Variants in MARCHF1 observed in about 807,000 individuals in gnomAD.
The protein encoded by MARCHF1 is membrane associated ring-CH-type finger 1.
MARCHF1 carries 40 observed loss-of-function variants against 54.2 expected under a neutral mutation model. That is an observed-to-expected ratio of 0.74 (90% CI 0.57 to 0.96). MARCHF1 has a LOEUF of 0.96. Among genes scored for constraint, MARCHF1 ranks in the 40% least tolerant of loss-of-function variants. The pLI is 0.00. For missense variants in MARCHF1, 586 were observed against 656.5 expected, an observed-to-expected ratio of 0.89 and a Z score of 1.17; for synonymous variants, 236 against 236.3, an observed-to-expected ratio of 1.00 and a Z score of 0.01.
At chr4:163,591,460 T>G (rs967412561) in intron 7 of MARCHF1, among the ~76,000 whole-genome samples, 1 of 152,138 alleles carries the variant, frequency 6.6e-6, no homozygotes, top group Non-Finnish European at 1.5e-5. Flanking sequence ...GTTTGTTAAC[T>G]GTTTCATTTA....
At chr4:164,166,259 GATAAAT>G (rs914734136) in intron 1 of MARCHF1, among the ~76,000 whole-genome samples, 2 of 151,916 alleles carry the variant, frequency 1.3e-5, no homozygotes, top group African/African-American at 4.8e-5. Context: ...TGCATGAGAT[GATAAAT>G]ATATAGGCAT....
intron 3 of MARCHF1, among the ~76,000 whole-genome samples, chr4:163,948,249 T>C (rs1462391261): frequency 6.6e-6 from 1 of 152,220 alleles, no homozygotes; most frequent in Non-Finnish European, 1.5e-5. Context: ...AATCAGGTAA[T>C]ATCATTAGCT....
chr4:164,118,437 G>T (rs1234440266), intron 1 of MARCHF1, among the ~76,000 whole-genome samples: 2 of 150,640 alleles, frequency 1.3e-5, no homozygotes, highest in Admixed American at 1.3e-4. Flanking sequence ...GATATTATTT[G>T]TATAAACATA....
chr4:164,342,543 AT>A (rs1036375185), intron 1 of MARCHF1, among the ~76,000 whole-genome samples: 41 of 150,934 alleles, frequency 2.7e-4, no homozygotes, highest in Non-Finnish European at 4.7e-4. Context: ...TAATAAAAAA[AT>A]ATTTAATAGG....
At chr4:163,904,487 G>C (rs961795354) in intron 3 of MARCHF1, among the ~76,000 whole-genome samples, 1 of 152,096 alleles carries the variant, frequency 6.6e-6, no homozygotes, top group African/African-American at 2.4e-5. Flanking sequence ...AACAAACAGT[G>C]GGTACCTCAA....
chr4:163,998,655 C>G (rs1321217300), intron 2 of MARCHF1, among the ~76,000 whole-genome samples: 1 of 151,668 alleles, frequency 6.6e-6, no homozygotes, highest in Non-Finnish European at 1.5e-5. Flanking sequence ...CCCTCCTATC[C>G]TCGGTAACCA....
intron 3 of MARCHF1, among the ~76,000 whole-genome samples, chr4:163,880,813 T>C (rs1020342868): frequency 6.6e-6 from 1 of 152,182 alleles, no homozygotes; most frequent in African/African-American, 2.4e-5. Context: ...TCAATGAAAG[T>C]ATATGGAGCA....
chr4:164,221,941 C>T (rs1417925431), intron 1 of MARCHF1, among the ~76,000 whole-genome samples: 2 of 151,520 alleles, frequency 1.3e-5, no homozygotes, highest in Non-Finnish European at 2.9e-5. Flanking sequence ...TTCTTAAGTT[C>T]AAGAGATAAC....
chr4:163,944,374 T>G lies in MARCHF1; in HGVS notation c.-39+44127A>C, dbSNP rs186305962. Among the ~76,000 whole-genome samples the G allele has an allele frequency of 1.6e-4, 25 of 152,302 alleles. No homozygotes were observed. In the East Asian group the frequency reaches 4.1e-3, roughly 25 times the overall value. ...TAGCTGTTACCTCCTTTAGATTTGA[T>G]TCAGCTGCAGAAAGCTGCTTCACCT... is the stretch of plus-strand genomic sequence containing the variant. On this transcript the variant is annotated intron_variant, in intron 3 of 9. Coordinates refer to ENST00000514618, the MANE Select transcript of MARCHF1 (RefSeq NM_001394959.1).
intron 2 of MARCHF1, among the ~76,000 whole-genome samples, chr4:164,109,277 G>T (rs1294588906): frequency 1.3e-5 from 2 of 151,946 alleles, no homozygotes; most frequent in African/African-American, 2.4e-5. Context: ...GACAGTCCAA[G>T]ATAAGATCTG....
chr4:164,022,772 G>C (rs1476633896), intron 2 of MARCHF1, among the ~76,000 whole-genome samples: 2 of 152,226 alleles, frequency 1.3e-5, no homozygotes, highest in African/African-American at 2.4e-5. Context: ...GTCCAGGAGA[G>C]AGTGAGGCTG....
At chr4:164,232,248 A>C (rs1307628383) in intron 1 of MARCHF1, among the ~76,000 whole-genome samples, 2 of 152,142 alleles carry the variant, frequency 1.3e-5, no homozygotes, top group African/African-American at 4.8e-5. Context: ...TTGAAGGTTA[A>C]TACAGTTATC....
At chr4:163,768,121 G>A (rs1246907669) in intron 4 of MARCHF1, among the ~76,000 whole-genome samples, 9 of 152,118 alleles carry the variant, frequency 5.9e-5, no homozygotes, top group Non-Finnish European at 8.8e-5. Context: ...GAATTTTGAG[G>A]TTTGATTTCT....
At chr4:163,753,593 C>G (rs1174494470) in intron 4 of MARCHF1, among the ~76,000 whole-genome samples, 5 of 152,010 alleles carry the variant, frequency 3.3e-5, no homozygotes, top group Admixed American at 2.6e-4. Context: ...CTGAGCCTTA[C>G]TAGTTCATTA....
chr4:163,715,277 G>T (rs867460694), intron 4 of MARCHF1, among the ~76,000 whole-genome samples: 1 of 152,038 alleles, frequency 6.6e-6, no homozygotes, highest in Admixed American at 6.6e-5. Context: ...ACGGAGTCTC[G>T]CTCTGTCACC....
intron 8 of MARCHF1, 97 bp from the exon 9 acceptor site, chr4:163,545,840 C>T: frequency 1.0e-6 from 1 of 997,280 alleles, no homozygotes; most frequent in Non-Finnish European, 1.5e-6. Context: ...GGAAGAAAAA[C>T]AGTAAATATC....
At chr4:164,366,173 T>C (rs1730875193) in intron 1 of MARCHF1, among the ~76,000 whole-genome samples, 1 of 152,092 alleles carries the variant, frequency 6.6e-6, no homozygotes, top group South Asian at 2.1e-4. Context: ...TCATTAACCT[T>C]CCAATACAAG....
At chr4:163,576,420 GA>G (rs1740038128) in intron 8 of MARCHF1, among the ~76,000 whole-genome samples, 1 of 151,978 alleles carries the variant, frequency 6.6e-6, no homozygotes, top group South Asian at 2.1e-4. Context: ...GTATGATTTA[GA>G]TTTTTTTGAG....
At chr4:164,290,637 A>C (rs1169266795) in intron 1 of MARCHF1, among the ~76,000 whole-genome samples, 1 of 152,056 alleles carries the variant, frequency 6.6e-6, no homozygotes, top group Non-Finnish European at 1.5e-5. Context: ...TGGGAATTTC[A>C]ATTATGTGGT....
Sources: allele counts gnomAD v4.1 joint callset (sites outside exome capture counted in the v4.1 genomes callset), GRCh38; gene constraint gnomAD v4.1.1; transcripts MANE v1.5; gene names NCBI Gene and HGNC (gene_info 2026-07-23, HGNC 2026-07-21).